SAMD12: variants seen among roughly 807,000 people sequenced by gnomAD.
SAMD12 encodes sterile alpha motif domain-containing protein 12.
A neutral mutation model predicts 15.0 loss-of-function variants in SAMD12; 9 were observed. The observed-to-expected ratio is 0.60, with a 90% CI of 0.36 to 1.05. The LOEUF (loss-of-function observed/expected upper bound fraction) is 1.05, where lower values mean the gene tolerates loss of function less well. Ranked by LOEUF, SAMD12 falls within the 50% of genes least tolerant of loss-of-function variation. The pLI, the probability that SAMD12 is intolerant of heterozygous loss-of-function variation, is 0.01. For missense variants in SAMD12, 230 were observed against 234.2 expected (o/e 0.98, Z 0.12); for synonymous variants, 86 against 90.1 (o/e 0.96, Z 0.25).
At chr8:118,240,817 C>T (rs891615494) in intron 4 of SAMD12, among the ~76,000 whole-genome samples, 4 of 152,062 alleles carry the variant, frequency 2.6e-5, no homozygotes, top group African/African-American at 4.8e-5. Flanking sequence ...TGAGATTGCC[C>T]GTGGTGCTGA....
chr8:118,205,272 T>G (rs1204089000), intron 4 of SAMD12, among the ~76,000 whole-genome samples: 1 of 152,210 alleles, frequency 6.6e-6, no homozygotes, highest in Non-Finnish European at 1.5e-5. Flanking sequence ...ATAATACATC[T>G]CTCTATACAT....
chr8:118,557,837 T>C (rs1348530123), intron 2 of SAMD12, among the ~76,000 whole-genome samples: 1 of 152,156 alleles, frequency 6.6e-6, no homozygotes, highest in Non-Finnish European at 1.5e-5. Context: ...GTAACTTCTA[T>C]TTATATACAC....
At chr8:118,477,227 G>C (rs1217884396) in intron 2 of SAMD12, among the ~76,000 whole-genome samples, 1 of 152,064 alleles carries the variant, frequency 6.6e-6, no homozygotes, top group Non-Finnish European at 1.5e-5. Flanking sequence ...CACCATGCCT[G>C]ACTAATTTTT....
chr8:118,400,158 A>C (rs1264994256), intron 3 of SAMD12: 1 of 152,220 alleles, frequency 6.6e-6, no homozygotes, highest in Admixed American at 6.5e-5. Flanking sequence ...ACAAACATTT[A>C]TGTGTAAACT....
At position 118,471,208 on chromosome 8, in the gene SAMD12, A is replaced by G. The variant is rs192175685; in HGVS notation, c.193-31247T>C. 7.2e-5 allele frequency among the ~76,000 whole-genome samples: 11 copies of G among 152,174 alleles called. No individual in the cohort carries two copies. In the East Asian group the frequency reaches 2.1e-3, roughly 29 times the overall value. ...TTTTTTTTTTCATGTTTTAAAAATT[A>G]TAGAGAATAGATAATTACTAGTGAA... On this transcript the variant is annotated intron_variant, in intron 2 of 3. Coordinates refer to ENST00000314727, the MANE Select transcript of SAMD12 (RefSeq NM_207506.3).
chr8:118,492,374 A>G (rs1055937068), intron 2 of SAMD12, among the ~76,000 whole-genome samples: 1 of 152,206 alleles, frequency 6.6e-6, no homozygotes, highest in African/African-American at 2.4e-5. Context: ...AAGTTATTTG[A>G]CAGAAACATG....
intron 4 of SAMD12, among the ~76,000 whole-genome samples, chr8:118,249,413 T>A (rs777649792): frequency 1.4e-4 from 21 of 152,186 alleles, no homozygotes; most frequent in Non-Finnish European, 2.1e-4. Flanking sequence ...TTCAACCTAG[T>A]ATTTGGCACA....
At chr8:118,516,238 C>T (rs1211376804) in intron 2 of SAMD12, among the ~76,000 whole-genome samples, 3 of 152,236 alleles carry the variant, frequency 2.0e-5, no homozygotes, top group Non-Finnish European at 2.9e-5. Flanking sequence ...TTATTGCCCT[C>T]TGCTTTGCAA....
At chr8:118,217,180 T>A (rs572710453) in intron 4 of SAMD12, among the ~76,000 whole-genome samples, 147 of 152,316 alleles carry the variant, frequency 9.7e-4, no homozygotes, top group Non-Finnish European at 1.8e-3. Flanking sequence ...ATTTTTGTAT[T>A]TTTAGTAGAG....
At chr8:118,252,099 A>C (rs752457342) in intron 4 of SAMD12, among the ~76,000 whole-genome samples, 2 of 152,198 alleles carry the variant, frequency 1.3e-5, no homozygotes, top group Admixed American at 6.5e-5. Context: ...CTTTAAGAAG[A>C]AGCTAAATGA....
chr8:118,514,078 A>G (rs4242583), intron 2 of SAMD12, among the ~76,000 whole-genome samples: 19,339 of 152,218 alleles, frequency 0.13, 1,335 homozygotes, highest in South Asian at 0.27. Flanking sequence ...GGTCAGGCAA[A>G]CACACCTATT....
At chr8:118,318,321 T>C (rs1816032797) in intron 4 of SAMD12, among the ~76,000 whole-genome samples, 1 of 10,578 alleles carries the variant, frequency 9.5e-5, no homozygotes, top group Admixed American at 2.3e-3. Context: ...TATATATATA[T>C]ATATATATAT....
intron 4 of SAMD12, among the ~76,000 whole-genome samples, chr8:118,338,024 T>C (rs937311428): frequency 6.6e-6 from 1 of 152,172 alleles, no homozygotes; most frequent in Non-Finnish European, 1.5e-5. Flanking sequence ...CCCCTACAGA[T>C]AAGGGGAGAC....
At chr8:118,484,136 A>G (rs1824210099) in intron 2 of SAMD12, among the ~76,000 whole-genome samples, 1 of 152,204 alleles carries the variant, frequency 6.6e-6, no homozygotes, top group Non-Finnish European at 1.5e-5. Flanking sequence ...GGAACATGGG[A>G]GCAGAGACAT....
At chr8:118,252,863 A>C (rs28365507) in intron 4 of SAMD12, among the ~76,000 whole-genome samples, 2 of 152,120 alleles carry the variant, frequency 1.3e-5, no homozygotes, top group African/African-American at 4.8e-5. Flanking sequence ...CCCACCTTTT[A>C]TCCTTTGTAA....
chr8:118,265,378 G>C lies in SAMD12; in HGVS notation c.434-67646C>G, dbSNP rs1813174296. On this transcript the variant is annotated intron_variant, in intron 4 of 4. Transcript: ENST00000409003. Reference sequence around the variant, plus strand: ...TTAGAATGGCAAGACATACTGTTGAGGGTGATTTTTTTACAAGTTGAGGAT... The same window carrying C: ...TTAGAATGGCAAGACATACTGTTGACGGTGATTTTTTTACAAGTTGAGGAT... 2.0e-5 allele frequency among the ~76,000 whole-genome samples: 3 copies of C among 152,104 alleles called. No individual in the cohort carries two copies. The South Asian group carries it at 6.2e-4, about 32-fold the overall frequency.
chr8:118,621,634 C>T, intron 1 of SAMD12, 170 bp downstream of exon 1: 1 of 700,476 alleles, frequency 1.4e-6, no homozygotes, highest in Non-Finnish European at 2.5e-6. Flanking sequence ...AATTAAAGCG[C>T]CTACTGGCCT....
intron 4 of SAMD12, among the ~76,000 whole-genome samples, chr8:118,214,665 C>T (rs1236179734): frequency 1.3e-5 from 2 of 152,176 alleles, no homozygotes; most frequent in Non-Finnish European, 2.9e-5. Context: ...ATTTGGAAAT[C>T]AGAAGGTAGG....
At chr8:118,179,645 G>A in the SAMD12 span, among the ~76,000 whole-genome samples, 9,828 of 152,044 alleles carry the variant, frequency 0.065, 693 homozygotes, top group African/African-American at 0.17. Flanking sequence ...CCTTTTAAAG[G>A]TGAAGTCATT....
Sources: gnomAD v4.1 joint callset for allele counts (sites outside exome capture counted in the v4.1 genomes callset) on GRCh38, gnomAD v4.1.1 for gene constraint, MANE v1.5 for transcripts, NCBI Gene and HGNC (gene_info 2026-07-23, HGNC 2026-07-21) for gene names.